ERC2: variants seen among roughly 807,000 people sequenced by gnomAD.
The protein encoded by ERC2 is ELKS/RAB6-interacting/CAST family member 2, also known as ERC protein 2.
Under a neutral mutation model 114.8 loss-of-function variants are expected in ERC2, and 42 were observed. That is an observed-to-expected ratio of 0.37 (90% CI 0.29 to 0.47). The LOEUF (loss-of-function observed/expected upper bound fraction) is 0.47. Ranked by LOEUF, ERC2 falls within the 20% of genes least tolerant of loss-of-function variation. ERC2 has a pLI of 0.99. For missense variants in ERC2, 939 were observed against 1,150.7 expected, an observed-to-expected ratio of 0.82 and a Z score of 2.66; for synonymous variants, 454 against 425.5, an observed-to-expected ratio of 1.07 and a Z score of -0.82.
At chr3:56,130,514 C>G (rs946104356) in intron 6 of ERC2, among the ~76,000 whole-genome samples, 1 of 152,160 alleles carries the variant, frequency 6.6e-6, no homozygotes, top group African/African-American at 2.4e-5. Context: ...AAGTCAAAAG[C>G]AATTTTATCC....
At chr3:56,292,126 G>A (rs1470338351) in intron 3 of ERC2, among the ~76,000 whole-genome samples, 1 of 152,140 alleles carries the variant, frequency 6.6e-6, no homozygotes, top group Non-Finnish European at 1.5e-5. Flanking sequence ...TCTTGGAAAT[G>A]ACTAATGCAT....
intron 14 of ERC2, among the ~76,000 whole-genome samples, chr3:55,809,613 T>C (rs894127309): frequency 6.6e-6 from 1 of 152,066 alleles, no homozygotes; most frequent in Admixed American, 6.6e-5. Context: ...TAAAATAAAA[T>C]AATAACCCCA....
chr3:55,751,341 C>T (rs1187049648), intron 14 of ERC2, among the ~76,000 whole-genome samples: 1 of 152,116 alleles, frequency 6.6e-6, no homozygotes, highest in East Asian at 1.9e-4. Context: ...GCTCGAGCTC[C>T]AGGTCCTTCT....
chr3:56,039,192 A>T (rs933845661), intron 7 of ERC2, among the ~76,000 whole-genome samples: 1 of 152,210 alleles, frequency 6.6e-6, no homozygotes, highest in South Asian at 2.1e-4. Flanking sequence ...AAACCTGTAC[A>T]TCCTGCACAT....
intron 14 of ERC2, among the ~76,000 whole-genome samples, chr3:55,813,226 T>G (rs2059789310): frequency 2.6e-5 from 4 of 152,208 alleles, no homozygotes; most frequent in Admixed American, 2.6e-4. Flanking sequence ...CGGTTACCTA[T>G]GCGTCCAATA....
intron 12 of ERC2, among the ~76,000 whole-genome samples, chr3:55,980,650 C>T (rs897219697): frequency 1.8e-4 from 28 of 151,988 alleles, no homozygotes; most frequent in African/African-American, 6.3e-4. Flanking sequence ...AAAGCTAACA[C>T]ATCTTGAGAG....
intron 4 of ERC2, among the ~76,000 whole-genome samples, chr3:56,171,843 C>CTTTTTTTTT (rs34797642): frequency 1.4e-5 from 2 of 139,224 alleles, no homozygotes; most frequent in African/African-American, 2.6e-5. Context: ...GAAACTCGCT[C>CTTTTTTTTT]TTTTTTTTTT....
intron 3 of ERC2, among the ~76,000 whole-genome samples, chr3:56,187,312 A>G (rs1020423917): frequency 6.6e-6 from 1 of 152,206 alleles, no homozygotes; most frequent in Non-Finnish European, 1.5e-5. Flanking sequence ...GGATGGGTGC[A>G]TCTGCCCAGC....
intron 12 of ERC2, among the ~76,000 whole-genome samples, chr3:55,974,082 C>T (rs2069388302): frequency 1.3e-5 from 2 of 152,154 alleles, no homozygotes; most frequent in Admixed American, 1.3e-4. Context: ...CAGCACAGAT[C>T]CTTTCTATCA....
chr3:55,734,624 G>C, intron 15 of ERC2, 147 bp downstream of exon 15: 1 of 862,754 alleles, frequency 1.2e-6, no homozygotes, highest in East Asian at 2.8e-5. Flanking sequence ...GTGTTGCAGC[G>C]ACAACTGGGT....
intron 14 of ERC2, among the ~76,000 whole-genome samples, chr3:55,876,474 C>A (rs902613729): frequency 2.8e-4 from 43 of 152,246 alleles, no homozygotes; most frequent in Non-Finnish European, 5.9e-4. Context: ...TCTAAATGAA[C>A]ATTGTAAGAA....
chr3:55,885,574 T>A (rs2063317786), intron 14 of ERC2, among the ~76,000 whole-genome samples: 2 of 152,160 alleles, frequency 1.3e-5, no homozygotes, highest in Non-Finnish European at 2.9e-5. Flanking sequence ...ACTTCAGCAA[T>A]AATGTGGCAA....
At chr3:55,985,298 T>C (rs1576457562) in intron 12 of ERC2, among the ~76,000 whole-genome samples, 1 of 152,192 alleles carries the variant, frequency 6.6e-6, no homozygotes, top group African/African-American at 2.4e-5. Context: ...TTCTTAATAT[T>C]GGGGTACACA....
intron 4 of ERC2, among the ~76,000 whole-genome samples, chr3:56,171,882 T>C (rs1034693230): frequency 2.0e-5 from 3 of 148,628 alleles, no homozygotes; most frequent in Non-Finnish European, 4.5e-5. Context: ...TGGAAATAGA[T>C]TGTATATACA....
chr3:56,033,046 AAGAAAGAAAG>A (rs2074561597), intron 7 of ERC2, among the ~76,000 whole-genome samples: 1 of 95,092 alleles, frequency 1.1e-5, no homozygotes, highest in Non-Finnish European at 2.6e-5. Context: ...GAAAGAAAGA[AAGAAAGAAAG>A]AAAGAAAGAA....
At chr3:56,090,646 A>G (rs1427009384) in intron 6 of ERC2, among the ~76,000 whole-genome samples, 1 of 152,014 alleles carries the variant, frequency 6.6e-6, no homozygotes. Context: ...TTATGAATAC[A>G]TGATATATTT....
chr3:55,575,134 C>T lies in ERC2; in HGVS notation c.*40-63858G>A, dbSNP rs80146747. 1.3e-3 allele frequency among the ~76,000 whole-genome samples: 193 copies of T among 152,334 alleles called. No homozygotes were observed. In the East Asian group the frequency reaches 0.034, roughly 27 times the overall value. ...GGTTCAAGTGATTCTCATGCCTCAG[C>T]TTCCCGAGTAGCTGGGATTACAGGC... On this transcript the variant is annotated intron_variant, in intron 17 of 17. Coordinates refer to ENST00000288221, the MANE Select transcript of ERC2 (RefSeq NM_015576.3).
In ERC2 at chr3:56,395,615, T is replaced by A. The variant is rs559560458; in HGVS notation, c.657+38736A>T. 5.9e-5 allele frequency among the ~76,000 whole-genome samples: 9 copies of A among 152,306 alleles called. No individual in the cohort carries two copies. The East Asian group carries it at 1.2e-3, about 20-fold the overall frequency. ...ATTCTCTCACTCCATTGCTCCTGCT[T>A]TCGCCATGTGATGTGCCCCTTTTCC... On this transcript the variant is annotated intron_variant, in intron 2 of 17. Transcript: ENST00000288221.
At chr3:56,187,863 T>G (rs1266097140) in intron 3 of ERC2, among the ~76,000 whole-genome samples, 1 of 152,092 alleles carries the variant, frequency 6.6e-6, no homozygotes, top group East Asian at 1.9e-4. Context: ...CAGTACCAAT[T>G]AAGACATTGT....
Sources: gnomAD v4.1 joint callset for allele counts (sites outside exome capture counted in the v4.1 genomes callset) on GRCh38, gnomAD v4.1.1 for gene constraint, MANE v1.5 for transcripts, NCBI Gene and HGNC (gene_info 2026-07-23, HGNC 2026-07-21) for gene names.